SLC22A23: variants seen among roughly 807,000 people sequenced by gnomAD.
SLC22A23 encodes the protein solute carrier family 22 member 23, also known as ion transporter protein.
A neutral mutation model predicts 61.0 loss-of-function variants in SLC22A23; 26 were observed. That is an observed-to-expected ratio of 0.43 (90% confidence interval 0.31 to 0.59). SLC22A23 has a LOEUF of 0.59. Ranked by LOEUF, SLC22A23 falls within the 20% of genes least tolerant of loss-of-function variation. The pLI is 0.11. For synonymous variants in SLC22A23, 430 were observed against 413.9 expected, an observed-to-expected ratio of 1.04 and a Z score of -0.47; for missense variants, 796 against 934.7, an observed-to-expected ratio of 0.85 and a Z score of 1.94.
At position 3,379,561 on chromosome 6, in the gene SLC22A23, C is replaced by T. The variant is rs781257717; in HGVS notation, c.913+30627G>A. Among the ~76,000 whole-genome samples the T allele has an allele frequency of 6.6e-5, 10 of 152,062 alleles. No individual in the cohort carries two copies. The South Asian group carries it at 1.5e-3, about 22-fold the overall frequency. Reference sequence around the variant, plus strand: ...AGAGAAGGATAGACAGCGTTTTCCACGTGGTTTTGGATAGTTTAGCTTAGG... The same window carrying T: ...AGAGAAGGATAGACAGCGTTTTCCATGTGGTTTTGGATAGTTTAGCTTAGG... On this transcript the variant is annotated intron_variant, in intron 3 of 9. Transcript: ENST00000406686.
intron 9 of SLC22A23, among the ~76,000 whole-genome samples, chr6:3,277,545 C>T (rs750908790): frequency 3.9e-5 from 6 of 152,242 alleles, no homozygotes; most frequent in Non-Finnish European, 8.8e-5. Context: ...TGAGCAGGCT[C>T]TCTTGGGCAC....
chr6:3,287,556 C>T (rs1373563566), intron 6 of SLC22A23, among the ~76,000 whole-genome samples: 3 of 152,168 alleles, frequency 2.0e-5, no homozygotes, highest in African/African-American at 7.2e-5. Context: ...CTTTTCTGGG[C>T]ACTTAGGGTT....
intron 3 of SLC22A23, among the ~76,000 whole-genome samples, chr6:3,366,224 T>C (rs1284743047): frequency 6.8e-6 from 1 of 147,526 alleles, no homozygotes; most frequent in Non-Finnish European, 1.5e-5. Flanking sequence ...TCCCAGCTAC[T>C]AGGAAGGCTG....
Position 3,269,443 on chromosome 6 carries a change from A to T in SLC22A23, c.*3612T>A, listed in dbSNP as rs1561847276. The T allele has an allele frequency of 6.6e-6, 1 of 152,670 alleles. No individual in the cohort carries two copies. The highest frequency in any genetic ancestry group is 6.5e-5 in the Admixed American group (1 of 15,292). The allele number at this position is 152,670 out of a possible 1,614,324, so 9.5% of individuals were successfully genotyped here. On this transcript the variant is annotated 3_prime_UTR_variant, in exon 10 of 10. Transcript: ENST00000406686. ...GATACCATCAGGTGAGGTAGGGAAGACATTCCAGAGGAAATCTGTTAATGG... is the reference window on the plus strand; with the variant it reads ...GATACCATCAGGTGAGGTAGGGAAGTCATTCCAGAGGAAATCTGTTAATGG...
intron 4 of SLC22A23, among the ~76,000 whole-genome samples, chr6:3,301,643 C>A (rs950999084): frequency 7.9e-5 from 12 of 152,238 alleles, no homozygotes; most frequent in African/African-American, 2.9e-4. Context: ...GCAGCCCCAC[C>A]TTCCAACCCC....
chr6:3,313,193 C>A (rs1762459839), intron 4 of SLC22A23: 1 of 152,168 alleles, frequency 6.6e-6, no homozygotes, highest in Admixed American at 6.5e-5. Flanking sequence ...TCAGCAAATC[C>A]CAGAATACCC....
At chr6:3,378,529 C>A (rs1201845560) in intron 3 of SLC22A23, among the ~76,000 whole-genome samples, 2 of 152,162 alleles carry the variant, frequency 1.3e-5, no homozygotes, top group Non-Finnish European at 2.9e-5. Flanking sequence ...CTGTGACTGG[C>A]TTTCACTACT....
chr6:3,432,276 G>A (rs569609615), intron 1 of SLC22A23: 73 of 985,462 alleles, frequency 7.4e-5, no homozygotes, highest in Non-Finnish European at 8.1e-5. Context: ...CTGAGTGAAC[G>A]CTGGCTCCTT....
In SLC22A23 at chr6:3,446,556, C is replaced by G. The variant is rs76572893; in HGVS notation, c.654+9350G>C. 4.5e-3 allele frequency among the ~76,000 whole-genome samples: 687 copies of G among 152,296 alleles called. 5 individuals are homozygous for G. Among genetic ancestry groups the G allele is most frequent in the African/African-American group, 0.016 (664 of 41,562 alleles). Reference sequence around the variant, plus strand: ...AAATGGCAGAACACGCCAAAGGCCCCGAGTTTTCTATCGACAGCCCTGGGA... The same window carrying G: ...AAATGGCAGAACACGCCAAAGGCCCGGAGTTTTCTATCGACAGCCCTGGGA... On this transcript the variant is annotated intron_variant, in intron 1 of 9. Transcript: ENST00000406686.
At chr6:3,289,701 C>T in intron 6 of SLC22A23, 63 bp downstream of exon 6, 2 of 1,418,244 alleles carry the variant, frequency 1.4e-6, no homozygotes, top group Non-Finnish European at 2.0e-6. Flanking sequence ...CTGGGCTTCA[C>T]CACTCCCCAC....
chr6:3,394,783 CAT>C (rs1475139881), intron 3 of SLC22A23, among the ~76,000 whole-genome samples: 1 of 152,218 alleles, frequency 6.6e-6, no homozygotes, highest in Non-Finnish European at 1.5e-5. Context: ...ACAGCCCCCA[CAT>C]GATAGTCCCA....
At chr6:3,313,449 T>G (rs188892013) in intron 4 of SLC22A23, 25 of 152,216 alleles carry the variant, frequency 1.6e-4, no homozygotes, top group African/African-American at 5.3e-4. Context: ...TCCCGGAGAC[T>G]GCATGGTTTT....
At chr6:3,446,396 G>C (rs539441399) in intron 1 of SLC22A23, among the ~76,000 whole-genome samples, 88 of 152,286 alleles carry the variant, frequency 5.8e-4, no homozygotes, top group South Asian at 3.9e-3. Context: ...CTTTTACCTA[G>C]ACTAAGCAAT....
rs147643663 is a variant in SLC22A23 at position 3,373,955 on chromosome 6, C to A, written c.913+36233G>T. Among the ~76,000 whole-genome samples, 28 of 152,332 alleles carry A rather than the reference C, an allele frequency of 1.8e-4. No homozygotes were observed. The East Asian group carries it at 3.5e-3, about 19-fold the overall frequency. ...CAATCCTCACGGCAACCTTGGGAGGCAGGTACTTTTGTTATCTCCATCTTT... is the reference window on the plus strand; with the variant it reads ...CAATCCTCACGGCAACCTTGGGAGGAAGGTACTTTTGTTATCTCCATCTTT... On this transcript the variant is annotated intron_variant, in intron 3 of 9. Coordinates refer to ENST00000406686, the MANE Select transcript of SLC22A23 (RefSeq NM_015482.2).
rs535725800 is a variant in SLC22A23 at position 3,324,227 on chromosome 6, C to T, written c.914-225G>A. 52 of 567,000 alleles carry T rather than the reference C, an allele frequency of 9.2e-5. No homozygotes were observed. Among genetic ancestry groups the T allele is most frequent in the East Asian group, 7.5e-4 (26 of 34,558 alleles). The allele number at this position is 567,000 out of a possible 1,614,324, so 35.1% of individuals were successfully genotyped here. ...GGTTGTTCAAGGCCACAGGGCTAGT[C>T]GATGACGAAGGGATGCTATAATTCA... On this transcript the variant is annotated intron_variant, in intron 3 of 9. Transcript: ENST00000406686. The surrounding 1 kb of genome is among the most constrained non-coding windows in gnomAD (Gnocchi z 4.3).
chr6:3,455,150 C>T (rs1406574338), intron 1 of SLC22A23, among the ~76,000 whole-genome samples: 2 of 152,218 alleles, frequency 1.3e-5, no homozygotes, highest in East Asian at 3.8e-4. Context: ...TTTCACACCA[C>T]GCAATACCTC....
intron 1 of SLC22A23, among the ~76,000 whole-genome samples, chr6:3,428,454 GC>G (rs1268856512): frequency 1.3e-5 from 2 of 152,210 alleles, no homozygotes; most frequent in Non-Finnish European, 2.9e-5. Context: ...AGTACTAACT[GC>G]AATCAGTGTC....
rs985773583 is a variant in SLC22A23, at chr6:3,418,575, T to C, written c.655-2720A>G. On this transcript the variant is annotated intron_variant, in intron 1 of 9. Coordinates refer to ENST00000406686, the MANE Select transcript of SLC22A23 (RefSeq NM_015482.2). ...GAGACTGAGTCACTCACACGCCTGG[T>C]AGGGAGAGGAAGCCTGGTTAGAAGT... 4.6e-5 allele frequency among the ~76,000 whole-genome samples: 7 copies of C among 152,184 alleles called. No individual in the cohort carries two copies. The East Asian group carries it at 1.3e-3, about 29-fold the overall frequency.
At chr6:3,345,365 T>TTC (rs1332382343) in intron 3 of SLC22A23, among the ~76,000 whole-genome samples, 2 of 128,232 alleles carry the variant, frequency 1.6e-5, no homozygotes, top group African/African-American at 5.7e-5. Context: ...TCTCTTTTCT[T>TTC]TTTTTTTTTT....
Sources: gnomAD v4.1 joint callset for allele counts (sites outside exome capture counted in the v4.1 genomes callset) on GRCh38, gnomAD v4.1.1 for gene constraint, Gnocchi (gnomAD v3.1) non-coding constraint, MANE v1.5 for transcripts, NCBI Gene and HGNC (gene_info 2026-07-23, HGNC 2026-07-21) for gene names.